LRIG2: variants seen among roughly 807,000 people sequenced by gnomAD.
LRIG2 encodes leucine rich repeats and immunoglobulin like domains 2, also known as leucine-rich repeats and immunoglobulin-like domains protein 2.
In LRIG2, 93 loss-of-function variants were observed where a neutral mutation model predicts 107.8. The ratio of observed to expected loss-of-function variants is 0.86; its 90% CI spans 0.73 to 1.03. The LOEUF (loss-of-function observed/expected upper bound fraction) is 1.03, where lower values mean the gene tolerates loss of function less well. Ranked by LOEUF, LRIG2 falls within the 50% of genes least tolerant of loss-of-function variation. LRIG2 has a pLI of 0.00. For missense variants in LRIG2, 1,226 were observed against 1,296.0 expected (o/e 0.95, Z 0.83); for synonymous variants, 471 against 470.6 (o/e 1.00, Z -0.01).
chr1:113,092,638 G>T (rs1292606960), intron 2 of LRIG2, among the ~76,000 whole-genome samples: 1 of 152,178 alleles, frequency 6.6e-6, no homozygotes, highest in African/African-American at 2.4e-5. Context: ...AATATTTAAT[G>T]TGCAAAATAC....
Position 113,124,044 on chromosome 1 carries a change from T to C in LRIG2, c.3141T>C (p.Asp1047=), listed in dbSNP as rs1397668432. Residue 1047 remains aspartate (D), a synonymous_variant, in exon 18 of 18, where the codon GAT becomes GAC. Transcript: ENST00000361127. ...CCATGTCCTGCCACAGGTTACAGGA[T>C]CATGCTTTTGATTTTAGTAGGACTC... ...ASSMSCHRLQ[D]HAFDFSRTRN... The C allele has an allele frequency of 6.2e-7, 1 of 1,614,160 alleles. No homozygotes were observed. Among genetic ancestry groups the C allele is most frequent in the Admixed American group, 1.7e-5 (1 of 60,024 alleles).
chr1:113,128,172 C>T lies in LRIG2; in HGVS notation c.*4071C>T, dbSNP rs1027461887. 6.7e-5 allele frequency: 10 copies of T among 149,390 alleles called. No homozygotes were observed. The highest frequency in any genetic ancestry group is 2.2e-4 in the African/African-American group (9 of 41,058). 9.3% of individuals were successfully genotyped at this position (149,390 alleles called of 1,614,324 possible). ...ATACTTATTTTCAATCCTAAGTGTT[C>T]TCCCATGGGCAGCAGCACTTCTTGA... On this transcript the variant is annotated 3_prime_UTR_variant, in exon 18 of 18. Coordinates refer to ENST00000361127, the MANE Select transcript of LRIG2 (RefSeq NM_014813.3).
At position 113,110,236 on chromosome 1, in the gene LRIG2, C is replaced by T. The variant is rs1048432548; in HGVS notation, c.1478-6C>T. The T allele has an allele frequency of 3.8e-6, 6 of 1,566,312 alleles. No individual in the cohort carries two copies. The African/African-American group carries it at 5.5e-5, about 14-fold the overall frequency. ...CTTGGCTACGGATGCATTTTTTTCC[C>T]CTTAGATGATTTTCTCAAGCCACAG... On this transcript the variant is annotated splice_polypyrimidine_tract_variant and splice_region_variant and intron_variant, in intron 12 of 17. Coordinates refer to ENST00000361127, the MANE Select transcript of LRIG2 (RefSeq NM_014813.3).
intron 12 of LRIG2, 144 bp downstream of exon 12, chr1:113,107,901 TAATG>T: frequency 1.4e-6 from 1 of 699,088 alleles, no homozygotes; most frequent in African/African-American, 1.9e-5. Flanking sequence ...ACAGGCATTT[TAATG>T]AATGAAGGCT....
chr1:113,098,588 TTAAAG>T, intron 8 of LRIG2, 112 bp from the exon 9 acceptor site: 1 of 663,966 alleles, frequency 1.5e-6, no homozygotes, highest in Non-Finnish European at 2.7e-6. Flanking sequence ...TAAATAACTG[TTAAAG>T]TAAGGATCAG....
chr1:113,114,567 C>A lies in LRIG2; in HGVS notation c.2221C>A (p.Arg741=), dbSNP rs767815417. The A allele has an allele frequency of 1.5e-5, 25 of 1,613,894 alleles. No homozygotes were observed. In the South Asian group the frequency reaches 2.5e-4, roughly 16 times the overall value. ...KDDGPLLVTE[R]HFFAAANQLL... ...TGATGGGCCTTTGCTGGTGACAGAA[C>A]GACATTTCTTTGCTGCAGCCAATCA... Residue 741 remains arginine (R), a synonymous_variant, in exon 15 of 18, where the codon CGA becomes AGA. Transcript: ENST00000361127.
intron 1 of LRIG2, among the ~76,000 whole-genome samples, chr1:113,082,108 C>T (rs1172409558): frequency 6.6e-6 from 1 of 152,184 alleles, no homozygotes; most frequent in Non-Finnish European, 1.5e-5. Flanking sequence ...TTACAATGAA[C>T]TGTTTCACTT....
chr1:113,087,558 A>G (rs1393290376), intron 1 of LRIG2, among the ~76,000 whole-genome samples: 1 of 152,152 alleles, frequency 6.6e-6, no homozygotes, highest in Non-Finnish European at 1.5e-5. Flanking sequence ...CATGCTGGCC[A>G]GGCTTGTCTC....
chr1:113,075,230 T>C (rs2101009115), intron 1 of LRIG2, among the ~76,000 whole-genome samples: 1 of 151,250 alleles, frequency 6.6e-6, no homozygotes, highest in South Asian at 2.1e-4. Flanking sequence ...AAAAGAGTCA[T>C]CACTAAAAAA....
chr1:113,077,579 T>G (rs905567873), intron 1 of LRIG2, among the ~76,000 whole-genome samples: 10 of 152,220 alleles, frequency 6.6e-5, no homozygotes, highest in African/African-American at 2.4e-4. Context: ...AAAATTTGTT[T>G]GCATTTGTTT....
intron 11 of LRIG2, among the ~76,000 whole-genome samples, chr1:113,101,381 A>G (rs1394126534): frequency 1.3e-5 from 2 of 151,360 alleles, no homozygotes; most frequent in East Asian, 3.9e-4. Flanking sequence ...ATTATTTTTA[A>G]ACTCTATTGA....
intron 11 of LRIG2, among the ~76,000 whole-genome samples, chr1:113,104,267 C>T (rs148207271): frequency 1.0e-3 from 152 of 152,290 alleles, no homozygotes; most frequent in African/African-American, 3.5e-3. Flanking sequence ...ATCCATCTGT[C>T]CACCCACTGC....
chr1:113,127,165 A>G lies in LRIG2; in HGVS notation c.*3064A>G, dbSNP rs1355373742. 2 of 152,296 alleles carry G rather than the reference A, an allele frequency of 1.3e-5. No homozygotes were observed. The highest frequency in any genetic ancestry group is 1.9e-4 in the East Asian group (1 of 5,180). The allele number at this position is 152,296 out of a possible 1,614,324, so 9.4% of individuals were successfully genotyped here. ...TTTTAATCTTTTACCAATGTGCAGT[A>G]TATCTTAAGAAGGGAAGAGTGCTCT... On this transcript the variant is annotated 3_prime_UTR_variant, in exon 18 of 18. Transcript: ENST00000361127.
chr1:113,117,333 C>G (rs371445513), intron 16 of LRIG2, among the ~76,000 whole-genome samples: 2 of 152,208 alleles, frequency 1.3e-5, no homozygotes, highest in Non-Finnish European at 2.9e-5. Context: ...TCTCACAGAT[C>G]TTTTCAGCAA....
chr1:113,082,154 C>A (rs1341232126), intron 1 of LRIG2, among the ~76,000 whole-genome samples: 2 of 152,198 alleles, frequency 1.3e-5, no homozygotes, highest in Non-Finnish European at 2.9e-5. Flanking sequence ...GATGCTTTCA[C>A]TGTATTAAGG....
intron 11 of LRIG2, among the ~76,000 whole-genome samples, chr1:113,107,236 G>A (rs1424365866): frequency 6.6e-6 from 1 of 151,884 alleles, no homozygotes; most frequent in Middle Eastern, 3.2e-3. Context: ...AATTAACATC[G>A]ATAAGGTAAT....
intron 13 of LRIG2, among the ~76,000 whole-genome samples, chr1:113,111,567 A>T (rs1015037193): frequency 4.6e-5 from 7 of 152,176 alleles, no homozygotes; most frequent in Non-Finnish European, 1.0e-4. Flanking sequence ...AAGTGAGAAC[A>T]TATGGTGTTT....
rs1655573020 is a variant in LRIG2 at position 113,128,477 on chromosome 1, GCTGTAAAGCCCT to G, written c.*4377_*4388del. ...ATGAAATGAGGACATTTTTCTAGATGCTGTAAAGCCCTTTCCAGCTGTAACATTCTATGAATC... is the reference window on the plus strand; with the variant it reads ...ATGAAATGAGGACATTTTTCTAGATGTTCCAGCTGTAACATTCTATGAATC... On this transcript the variant is annotated 3_prime_UTR_variant, in exon 18 of 18. Transcript: ENST00000361127. 1 of 152,154 alleles carries G rather than the reference GCTGTAAAGCCCT, an allele frequency of 6.6e-6. No individual in the cohort carries two copies. Among genetic ancestry groups the G allele is most frequent in the Non-Finnish European group, 1.5e-5 (1 of 68,026 alleles). 9.4% of individuals were successfully genotyped at this position (152,154 alleles called of 1,614,324 possible).
At chr1:113,073,937 A>T (rs1247147162) in intron 1 of LRIG2, among the ~76,000 whole-genome samples, 2 of 129,452 alleles carry the variant, frequency 1.5e-5, no homozygotes, top group Non-Finnish European at 3.1e-5. Flanking sequence ...AATGGTAAGG[A>T]CTCACGGGTC....
Sources: allele counts gnomAD v4.1 joint callset (sites outside exome capture counted in the v4.1 genomes callset), GRCh38; gene constraint gnomAD v4.1.1; transcripts MANE v1.5; gene names NCBI Gene and HGNC (gene_info 2026-07-23, HGNC 2026-07-21).